The following RNF152 variants were observed in gnomAD, a reference collection of about 807,000 sequenced individuals.
RNF152 encodes the protein E3 ubiquitin-protein ligase RNF152.
RNF152 carries 11 observed loss-of-function variants against 12.7 expected under a neutral mutation model. The observed-to-expected ratio is 0.86, with a 90% CI of 0.54 to 1.43. The LOEUF is 1.43. Among genes scored for constraint, RNF152 ranks in the 40% most tolerant of loss-of-function variants. The pLI, the probability that RNF152 is intolerant of heterozygous loss-of-function variation, is 0.00. For synonymous variants in RNF152, 113 were observed against 120.3 expected (o/e 0.94, Z 0.40); for missense variants, 255 against 274.8 (o/e 0.93, Z 0.51).
At chr18:61,850,724 G>C (rs1323605112) in intron 1 of RNF152, among the ~76,000 whole-genome samples, 1 of 152,222 alleles carries the variant, frequency 6.6e-6, no homozygotes, top group Non-Finnish European at 1.5e-5. Context: ...CCTAAAAACA[G>C]AGAGGTTAAA....
chr18:61,830,601 T>C (rs151197186), intron 1 of RNF152, among the ~76,000 whole-genome samples: 2 of 152,270 alleles, frequency 1.3e-5, no homozygotes, highest in Non-Finnish European at 2.9e-5. Flanking sequence ...AATATTCAAT[T>C]GTGTATTATT....
intron 1 of RNF152, among the ~76,000 whole-genome samples, chr18:61,892,401 C>G (rs1913003566): frequency 6.6e-6 from 1 of 152,164 alleles, no homozygotes; most frequent in Non-Finnish European, 1.5e-5. Flanking sequence ...GTACAATCAG[C>G]CTTCCAATGA....
At chr18:61,829,653 AC>A (rs1432573818) in intron 1 of RNF152, among the ~76,000 whole-genome samples, 1 of 149,864 alleles carries the variant, frequency 6.7e-6, no homozygotes, top group African/African-American at 2.5e-5. Flanking sequence ...AGAGGGGAGG[AC>A]CAGGAGGTGA....
intron 1 of RNF152, among the ~76,000 whole-genome samples, chr18:61,824,653 G>C (rs535202192): frequency 6.6e-6 from 1 of 152,184 alleles, no homozygotes; most frequent in Admixed American, 6.5e-5. Context: ...CTGATCAGTA[G>C]CCTTCCCAGA....
At chr18:61,865,685 A>C (rs998984195) in intron 1 of RNF152, among the ~76,000 whole-genome samples, 1 of 152,198 alleles carries the variant, frequency 6.6e-6, no homozygotes, top group African/African-American at 2.4e-5. Flanking sequence ...CAATGGACTA[A>C]TACTTTGTAC....
chr18:61,876,632 G>A (rs1039309469), intron 1 of RNF152, among the ~76,000 whole-genome samples: 1 of 152,190 alleles, frequency 6.6e-6, no homozygotes, highest in African/African-American at 2.4e-5. Flanking sequence ...TCTTGACTGG[G>A]TTCTAATCCC....
chr18:61,857,604 C>T (rs979820595), intron 1 of RNF152, among the ~76,000 whole-genome samples: 2 of 152,158 alleles, frequency 1.3e-5, no homozygotes, highest in Admixed American at 6.5e-5. Flanking sequence ...ATGACCACAT[C>T]TTCCATCTCA....
At chr18:61,853,558 C>T (rs1350912179) in intron 1 of RNF152, among the ~76,000 whole-genome samples, 6 of 152,128 alleles carry the variant, frequency 3.9e-5, no homozygotes, top group African/African-American at 1.4e-4. Flanking sequence ...TCCCAAAGTG[C>T]CGGGATTACA....
At chr18:61,858,698 T>C (rs1396344434) in intron 1 of RNF152, among the ~76,000 whole-genome samples, 3 of 152,158 alleles carry the variant, frequency 2.0e-5, no homozygotes, top group Non-Finnish European at 4.4e-5. Flanking sequence ...AAAACTTCTA[T>C]ATTCCATGGA....
intron 1 of RNF152, among the ~76,000 whole-genome samples, chr18:61,820,726 G>A (rs999316256): frequency 2.0e-5 from 3 of 152,134 alleles, no homozygotes; most frequent in Admixed American, 1.3e-4. Flanking sequence ...AGTGACCACC[G>A]ATTTATGTAT....
intron 1 of RNF152, among the ~76,000 whole-genome samples, chr18:61,848,564 T>G (rs1450862626): frequency 6.6e-6 from 1 of 152,104 alleles, no homozygotes; most frequent in Non-Finnish European, 1.5e-5. Flanking sequence ...ACAGTTACCT[T>G]CTTAGTAGTA....
At chr18:61,882,419 A>T (rs1912503103) in intron 1 of RNF152, among the ~76,000 whole-genome samples, 1 of 152,258 alleles carries the variant, frequency 6.6e-6, no homozygotes, top group African/African-American at 2.4e-5. Context: ...GAACACAGTG[A>T]ACACAGTATC....
At chr18:61,829,072 G>A (rs74487003) in intron 1 of RNF152, among the ~76,000 whole-genome samples, 5,877 of 152,224 alleles carry the variant, frequency 0.039, 158 homozygotes, top group Non-Finnish European at 0.057. Flanking sequence ...GGGTGGTTAC[G>A]GGTAGGGACC....
At chr18:61,880,154 A>T (rs947525770) in intron 1 of RNF152, among the ~76,000 whole-genome samples, 1 of 152,128 alleles carries the variant, frequency 6.6e-6, no homozygotes, top group Non-Finnish European at 1.5e-5. Flanking sequence ...GACAAAACTC[A>T]GGTAATAGCC....
chr18:61,820,757 C>T (rs957714885), intron 1 of RNF152, among the ~76,000 whole-genome samples: 8 of 152,188 alleles, frequency 5.3e-5, no homozygotes, highest in African/African-American at 1.9e-4. Context: ...TCTTTCCATA[C>T]TATTTACCTT....
At position 61,811,687 on chromosome 18, in the gene RNF152, C is replaced by T. The variant is rs893431820; in HGVS notation, c.*4165G>A. 1.3e-5 allele frequency: 2 copies of T among 152,178 alleles called. No individual in the cohort carries two copies. The highest frequency in any genetic ancestry group is 2.4e-5 in the African/African-American group (1 of 41,446). 9.4% of individuals were successfully genotyped at this position (152,178 alleles called of 1,614,324 possible). A position where few individuals can be genotyped will look rare whatever the true frequency, so the allele number is the denominator to read the frequency against. ...CTCTTATATTTGCACCTTACTAATA[C>T]AGCAATGAAGTTTGGATAGGATACT... On this transcript the variant is annotated 3_prime_UTR_variant, in exon 2 of 2. Transcript: ENST00000312828.
intron 1 of RNF152, among the ~76,000 whole-genome samples, chr18:61,854,881 C>T (rs1197924293): frequency 6.6e-6 from 1 of 152,202 alleles, no homozygotes; most frequent in Non-Finnish European, 1.5e-5. Flanking sequence ...ATCAATGTCA[C>T]ATCAAAATGC....
intron 1 of RNF152, among the ~76,000 whole-genome samples, chr18:61,886,415 T>A (rs905714352): frequency 3.3e-5 from 5 of 152,226 alleles, no homozygotes; most frequent in African/African-American, 1.2e-4. Context: ...AGAACTGAGA[T>A]CTCTTTGAGT....
intron 1 of RNF152, among the ~76,000 whole-genome samples, chr18:61,856,235 T>C (rs1394463053): frequency 6.6e-6 from 1 of 152,188 alleles, no homozygotes; most frequent in Non-Finnish European, 1.5e-5. Flanking sequence ...ATGAAGCCAA[T>C]GTCAAAGACT....
Sources: allele counts gnomAD v4.1 joint callset (sites outside exome capture counted in the v4.1 genomes callset), GRCh38; gene constraint gnomAD v4.1.1; transcripts MANE v1.5; gene names NCBI Gene and HGNC (gene_info 2026-07-23, HGNC 2026-07-21).